The following MGAT4C variants were observed in gnomAD, a reference collection of about 807,000 sequenced individuals.
MGAT4C encodes MGAT4 family member C.
MGAT4C carries 19 observed loss-of-function variants against 40.1 expected under a neutral mutation model. The observed-to-expected ratio is 0.47, with a 90% CI of 0.33 to 0.70. The LOEUF (loss-of-function observed/expected upper bound fraction) is 0.70. MGAT4C is among the 30% of genes least tolerant of loss of function. The pLI is 0.02. For synonymous variants in MGAT4C, 181 were observed against 187.1 expected (o/e 0.97, Z 0.27); for missense variants, 491 against 563.2 (o/e 0.87, Z 1.30).
intron 2 of MGAT4C, among the ~76,000 whole-genome samples, chr12:86,603,594 CTA>C (rs1182573929): frequency 2.6e-5 from 3 of 117,564 alleles, no homozygotes; most frequent in African/African-American, 3.4e-5. Context: ...GTCATATAGT[CTA>C]TAGACTATAG....
At chr12:86,137,181 C>A (rs1360416337) in intron 1 of MGAT4C, among the ~76,000 whole-genome samples, 1 of 152,134 alleles carries the variant, frequency 6.6e-6, no homozygotes, top group Non-Finnish European at 1.5e-5. Flanking sequence ...ATATTCCTTT[C>A]TTAACTCTGT....
Position 86,333,248 on chromosome 12 carries a change from C to T in MGAT4C, c.-57+817G>A, listed in dbSNP as rs200757170. 8.5e-5 allele frequency among the ~76,000 whole-genome samples: 13 copies of T among 152,256 alleles called. No individual in the cohort carries two copies. The East Asian group carries it at 2.3e-3, about 27-fold the overall frequency. On this transcript the variant is annotated intron_variant, in intron 4 of 7. Transcript: ENST00000548651. ...TAGCAGATTCTCACAAAGCAAACAG[C>T]CCCCATTGGCCATTATTGGGGAAAA...
intron 1 of MGAT4C, among the ~76,000 whole-genome samples, chr12:86,233,184 G>A (rs1192086817): frequency 6.6e-6 from 1 of 152,092 alleles, no homozygotes; most frequent in Non-Finnish European, 1.5e-5. Flanking sequence ...AATTAAATGG[G>A]TTTTAGAAAG....
chr12:86,334,832 G>GT (rs1342492534), intron 3 of MGAT4C, among the ~76,000 whole-genome samples: 1 of 152,052 alleles, frequency 6.6e-6, no homozygotes, highest in Non-Finnish European at 1.5e-5. Flanking sequence ...GTACTTCAAA[G>GT]TCATCAGTAA....
intron 2 of MGAT4C, among the ~76,000 whole-genome samples, chr12:86,469,069 G>A (rs1278842645): frequency 1.3e-5 from 2 of 151,882 alleles, no homozygotes; most frequent in African/African-American, 4.8e-5. Flanking sequence ...GATTAATGGG[G>A]CTTGTTCTTT....
intron 2 of MGAT4C, among the ~76,000 whole-genome samples, chr12:86,725,927 A>T (rs778368056): frequency 6.6e-6 from 1 of 152,138 alleles, no homozygotes; most frequent in South Asian, 2.1e-4. Context: ...TTTTTCCTAG[A>T]CTTTTAGGAA....
chr12:86,160,031 A>G (rs1221898661), intron 1 of MGAT4C, among the ~76,000 whole-genome samples: 8 of 151,926 alleles, frequency 5.3e-5, no homozygotes, highest in Non-Finnish European at 8.8e-5. Context: ...TTTACGTCTC[A>G]ATTTCATTAA....
chr12:86,093,620 C>T (rs907229164), intron 1 of MGAT4C, among the ~76,000 whole-genome samples: 4 of 151,858 alleles, frequency 2.6e-5, no homozygotes, highest in South Asian at 2.1e-4. Context: ...CCCAGCTACT[C>T]GGGAGGTTGA....
At chr12:86,684,077 C>T (rs964837895) in intron 2 of MGAT4C, among the ~76,000 whole-genome samples, 1 of 152,096 alleles carries the variant, frequency 6.6e-6, no homozygotes, top group Non-Finnish European at 1.5e-5. Flanking sequence ...CAGGAAATTA[C>T]TCAAAAATGT....
intron 1 of MGAT4C, among the ~76,000 whole-genome samples, chr12:86,062,606 A>G (rs1894105147): frequency 6.6e-6 from 1 of 152,168 alleles, no homozygotes; most frequent in South Asian, 2.1e-4. Context: ...GTTCTAACCC[A>G]ATGTAAGGAA....
rs1277153120 is a variant in MGAT4C, at chr12:85,990,706, A to G, written c.-6-1154T>C. ...TGACTTAATAATTATAAGTCTAAAA[A>G]TAATTTCTAAAAAAGAATTATGAAA... On this transcript the variant is annotated intron_variant, in intron 2 of 4. Transcript: ENST00000611864. 3.3e-5 allele frequency among the ~76,000 whole-genome samples: 5 copies of G among 152,162 alleles called. No homozygotes were observed. The East Asian group carries it at 7.7e-4, about 23-fold the overall frequency.
At chr12:86,484,284 A>G (rs1957982198) in intron 2 of MGAT4C, among the ~76,000 whole-genome samples, 1 of 152,176 alleles carries the variant, frequency 6.6e-6, no homozygotes, top group Non-Finnish European at 1.5e-5. Context: ...CTTTCTCTGA[A>G]AAGCTTTAAC....
intron 2 of MGAT4C, among the ~76,000 whole-genome samples, chr12:86,684,954 G>T (rs1463011434): frequency 6.6e-6 from 1 of 152,036 alleles, no homozygotes; most frequent in African/African-American, 2.4e-5. Context: ...CAGATGGATA[G>T]ATTGCAAAAA....
intron 3 of MGAT4C, among the ~76,000 whole-genome samples, chr12:86,346,820 G>A (rs553148332): frequency 4.0e-4 from 61 of 152,236 alleles, no homozygotes; most frequent in African/African-American, 1.4e-3. Context: ...ATCTGGGTGG[G>A]CACCATCCAA....
At chr12:86,099,794 AT>A (rs1466201711) in intron 1 of MGAT4C, among the ~76,000 whole-genome samples, 6 of 151,364 alleles carry the variant, frequency 4.0e-5, no homozygotes, top group Admixed American at 4.0e-4. Flanking sequence ...GATATGTTGC[AT>A]TTTTTGTGGC....
intron 1 of MGAT4C, among the ~76,000 whole-genome samples, chr12:86,821,458 A>C (rs555776295): frequency 6.6e-6 from 1 of 151,032 alleles, no homozygotes; most frequent in South Asian, 2.1e-4. Context: ...ACTCAGGGTA[A>C]TTGGATATCC....
intron 3 of MGAT4C, among the ~76,000 whole-genome samples, chr12:86,408,503 A>T (rs1956532927): frequency 7.1e-6 from 1 of 141,422 alleles, no homozygotes; most frequent in Non-Finnish European, 1.5e-5. Flanking sequence ...ATATATATAT[A>T]TATATATATA....
At chr12:86,136,015 A>T (rs1649907338) in intron 1 of MGAT4C, among the ~76,000 whole-genome samples, 1 of 152,186 alleles carries the variant, frequency 6.6e-6, no homozygotes, top group Admixed American at 6.5e-5. Context: ...TCTTCAGAAC[A>T]ACTCAAGAAT....
At position 85,983,686 on chromosome 12, in the gene MGAT4C, G is replaced by A; in HGVS notation, c.148-16C>T. 1 of 1,532,036 alleles carries A rather than the reference G, an allele frequency of 6.5e-7. No homozygotes were observed. The highest frequency in any genetic ancestry group is 8.8e-7 in the Non-Finnish European group (1 of 1,139,626). 94.9% of individuals were successfully genotyped at this position (1,532,036 alleles called of 1,614,324 possible). On this transcript the variant is annotated splice_polypyrimidine_tract_variant and intron_variant, in intron 3 of 4. Transcript: ENST00000611864. ...TGTCTCCTTCCTAAATACCAAGAAA[G>A]AAGCAAGGAAAATATATAAATAATA...
Sources: allele counts gnomAD v4.1 joint callset (sites outside exome capture counted in the v4.1 genomes callset), GRCh38; gene constraint gnomAD v4.1.1; transcripts MANE v1.5; gene names NCBI Gene and HGNC (gene_info 2026-07-23, HGNC 2026-07-21).